The following TGFBR2 variants were observed in gnomAD, a reference collection of about 807,000 sequenced individuals.
The protein encoded by TGFBR2 is transforming growth factor beta receptor 2.
Under a neutral mutation model 49.0 loss-of-function variants are expected in TGFBR2, and 18 were observed. The ratio of observed to expected loss-of-function variants is 0.37; its 90% CI spans 0.25 to 0.54. TGFBR2 has a LOEUF of 0.54. TGFBR2 is among the 20% of genes least tolerant of loss of function. The pLI is 0.85. For synonymous variants in TGFBR2, 282 were observed against 275.9 expected, an observed-to-expected ratio of 1.02 and a Z score of -0.22; for missense variants, 525 against 722.6, an observed-to-expected ratio of 0.73 and a Z score of 3.13.
At chr3:30,640,330 G>A (rs60558569) in intron 1 of TGFBR2, among the ~76,000 whole-genome samples, 8,063 of 152,150 alleles carry the variant, frequency 0.053, 756 homozygotes, top group African/African-American at 0.19. Context: ...CCTATTAGGG[G>A]TAGAAAATTC....
intron 1 of TGFBR2, among the ~76,000 whole-genome samples, chr3:30,641,667 A>G (rs1252196931): frequency 6.6e-6 from 1 of 152,002 alleles, no homozygotes; most frequent in Non-Finnish European, 1.5e-5. Context: ...GCATGTGCAA[A>G]TTCTTATTGT....
chr3:30,643,427 G>A (rs17838699), intron 1 of TGFBR2, among the ~76,000 whole-genome samples: 104 of 152,340 alleles, frequency 6.8e-4, no homozygotes, highest in African/African-American at 2.4e-3. Flanking sequence ...TCTCATTGAG[G>A]AAGAAAATGG....
At chr3:30,670,266 T>C (rs1234612170) in intron 3 of TGFBR2, among the ~76,000 whole-genome samples, 1 of 152,206 alleles carries the variant, frequency 6.6e-6, no homozygotes, top group Non-Finnish European at 1.5e-5. Flanking sequence ...TTCTCTAAGC[T>C]TTTCCACATT....
intron 3 of TGFBR2, chr3:30,661,510 C>A: frequency 2.1e-6 from 1 of 482,110 alleles, no homozygotes; most frequent in Non-Finnish European, 4.2e-6. Context: ...CCTGAAATGA[C>A]CAATTTTCTA....
At chr3:30,616,102 A>G (rs1698127577) in intron 1 of TGFBR2, among the ~76,000 whole-genome samples, 1 of 152,094 alleles carries the variant, frequency 6.6e-6, no homozygotes, top group Non-Finnish European at 1.5e-5. Flanking sequence ...TATTCACTTT[A>G]TTCTTAATTT....
intron 2 of TGFBR2, among the ~76,000 whole-genome samples, chr3:30,647,215 G>A (rs1037853629): frequency 6.6e-6 from 1 of 152,158 alleles, no homozygotes; most frequent in Non-Finnish European, 1.5e-5. Context: ...ATCATCCCAT[G>A]GCTAGTTGAT....
chr3:30,621,116 G>A (rs923161175), intron 1 of TGFBR2, among the ~76,000 whole-genome samples: 1 of 152,078 alleles, frequency 6.6e-6, no homozygotes, highest in African/African-American at 2.4e-5. Flanking sequence ...GCTTCCAGCT[G>A]TGTTGCCTGC....
intron 1 of TGFBR2, among the ~76,000 whole-genome samples, chr3:30,621,278 CTTTT>C (rs10688941): frequency 3.1e-4 from 36 of 116,284 alleles, no homozygotes; most frequent in African/African-American, 1.0e-3. Context: ...TTTTAATATT[CTTTT>C]TTTTTTTTTT....
At chr3:30,611,097 C>G (rs766526419) in intron 1 of TGFBR2, among the ~76,000 whole-genome samples, 14 of 152,194 alleles carry the variant, frequency 9.2e-5, no homozygotes, top group Non-Finnish European at 2.1e-4. Flanking sequence ...CAATACCAAG[C>G]CAAAGTCATA....
intron 5 of TGFBR2, among the ~76,000 whole-genome samples, chr3:30,685,707 G>A (rs537195108): frequency 2.6e-5 from 4 of 152,192 alleles, no homozygotes; most frequent in South Asian, 4.2e-4. Flanking sequence ...TCATGTCCAC[G>A]AATCTCTAGG....
At chr3:30,653,302 A>AGT (rs980073686) in intron 3 of TGFBR2, among the ~76,000 whole-genome samples, 1 of 129,230 alleles carries the variant, frequency 7.7e-6, no homozygotes, top group African/African-American at 3.0e-5. Flanking sequence ...CCCGGGCTGG[A>AGT]GTGCAATGGT....
At position 30,672,391 on chromosome 3, in the gene TGFBR2, G is replaced by T. The variant is rs143095746; in HGVS notation, c.1208G>T (p.Arg403Leu). The T allele has an allele frequency of 6.2e-7, 1 of 1,614,208 alleles. No homozygotes were observed. The highest frequency in any genetic ancestry group is 8.5e-7 in the Non-Finnish European group (1 of 1,180,030). ...CCLCDFGLSL[R>L]LDPTLSVDDL... ...CTGTGTGACTTTGGGCTTTCCCTGCGTCTGGACCCTACTCTGTCTGTGGAT... is the reference window on the plus strand; with the variant it reads ...CTGTGTGACTTTGGGCTTTCCCTGCTTCTGGACCCTACTCTGTCTGTGGAT... Residue 403 changes from arginine to leucine, a missense_variant, in exon 4 of 7, where the codon CGT becomes CTT. Around this residue, in one of 3 missense-constraint regions of TGFBR2, gnomAD observed 45 missense variants for 111.0 expected, o/e 0.41. Coordinates refer to ENST00000295754, the MANE Select transcript of TGFBR2 (RefSeq NM_003242.6). This position sits in a 1 kb window ranked among gnomAD's most constrained non-coding sequence, Gnocchi z 4.5.
intron 3 of TGFBR2, among the ~76,000 whole-genome samples, chr3:30,664,670 A>G (rs1699213416): frequency 6.6e-6 from 1 of 152,234 alleles, no homozygotes; most frequent in Non-Finnish European, 1.5e-5. Flanking sequence ...ACACACATGC[A>G]CACGCGCGTG....
intron 1 of TGFBR2, among the ~76,000 whole-genome samples, chr3:30,625,089 A>T (rs931680306): frequency 6.6e-6 from 1 of 152,220 alleles, no homozygotes; most frequent in Non-Finnish European, 1.5e-5. Flanking sequence ...ATAATTCTTT[A>T]AAAACTGTAA....
intron 1 of TGFBR2, among the ~76,000 whole-genome samples, chr3:30,638,484 A>C (rs770498116): frequency 1.3e-5 from 2 of 152,178 alleles, no homozygotes; most frequent in Non-Finnish European, 2.9e-5. Flanking sequence ...TACCCCAGAG[A>C]CCATGTGGAC....
At chr3:30,675,469 C>T (rs1448381957) in intron 5 of TGFBR2, among the ~76,000 whole-genome samples, 4 of 151,728 alleles carry the variant, frequency 2.6e-5, no homozygotes, top group African/African-American at 7.3e-5. Flanking sequence ...TGACTGCAAC[C>T]TCTGCCTCCC....
intron 1 of TGFBR2, among the ~76,000 whole-genome samples, chr3:30,642,459 T>G (rs182497012): frequency 6.6e-6 from 1 of 152,218 alleles, no homozygotes; most frequent in Non-Finnish European, 1.5e-5. Flanking sequence ...AAAAATTAAA[T>G]CAGACTATCT....
At chr3:30,614,428 C>T (rs959673300) in intron 1 of TGFBR2, among the ~76,000 whole-genome samples, 3 of 152,146 alleles carry the variant, frequency 2.0e-5, no homozygotes, top group African/African-American at 7.2e-5. Context: ...GTATATGCTG[C>T]AGCAGCTCTT....
At chr3:30,609,801 T>G (rs1230033546) in intron 1 of TGFBR2, among the ~76,000 whole-genome samples, 1 of 152,230 alleles carries the variant, frequency 6.6e-6, no homozygotes, top group Non-Finnish European at 1.5e-5. Context: ...AAATCTGATC[T>G]TCAGTCTACT....
Sources: allele counts gnomAD v4.1 joint callset (sites outside exome capture counted in the v4.1 genomes callset), GRCh38; gene constraint gnomAD v4.1.1; regional missense constraint gnomAD v4.1.1; non-coding constraint Gnocchi (gnomAD v3.1); transcripts MANE v1.5; gene names NCBI Gene and HGNC (gene_info 2026-07-23, HGNC 2026-07-21).